The following DGAT2L6 variants were observed in gnomAD, a reference collection of about 807,000 sequenced individuals.
The protein encoded by DGAT2L6 is diacylglycerol O-acyltransferase 2 like 6, also known as diacylglycerol O-acyltransferase 2-like protein 6.
Under a neutral mutation model 25.5 loss-of-function variants are expected in DGAT2L6, and 22 were observed. That is an observed-to-expected ratio of 0.86 (90% CI 0.62 to 1.23). DGAT2L6 has a LOEUF of 1.23. Ranked by LOEUF, DGAT2L6 falls within the 50% of genes most tolerant of loss-of-function variation. DGAT2L6 has a pLI of 0.00. For missense variants in DGAT2L6, 287 were observed against 253.2 expected, an observed-to-expected ratio of 1.13 and a Z score of -0.91; for synonymous variants, 100 against 94.7, an observed-to-expected ratio of 1.06 and a Z score of -0.32.
At chrX:70,191,451 G>C (rs1230006875) in intron 1 of DGAT2L6, among the ~76,000 whole-genome samples, 1 of 110,925 alleles carries the variant, frequency 9.0e-6, no homozygotes, top group Non-Finnish European at 1.9e-5. Context: ...TAGGTAATTT[G>C]AAATTAGCCA....
At chrX:70,196,486 C>CAAAAAAAAAAAAA (rs751597708) in intron 1 of DGAT2L6, among the ~76,000 whole-genome samples, 1 of 26,113 alleles carries the variant, frequency 3.8e-5, no homozygotes, top group Non-Finnish European at 7.0e-5. Context: ...GATCCTGTCT[C>CAAAAAAAAAAAAA]AAAAAAAAAA....
chrX:70,204,513 G>A lies in DGAT2L6; in HGVS notation c.856G>A (p.Val286Ile). Residue 286 changes from valine to isoleucine, a missense_variant, in exon 6 of 7, where the codon GTT (valine) becomes ATT (isoleucine). Val to Ile is a conservative substitution (Grantham distance 29). Coordinates refer to ENST00000333026, the MANE Select transcript of DGAT2L6 (RefSeq NM_198512.3). ...FLPFNRPITT[V>I]VGEPLPIPRI... ...GCCTTTCAATCGGCCCATTACCACT[G>A]TTGGTGAGCTTTCCCTTATCTCCGG... 8.3e-7 allele frequency: 1 copy of A among 1,209,400 alleles called. No homozygotes were observed. Among genetic ancestry groups the A allele is most frequent in the Non-Finnish European group, 1.1e-6 (1 of 894,735 alleles).
At chrX:70,204,910 G>C in intron 6 of DGAT2L6, 42 bp from the exon 7 acceptor site, 1 of 1,140,067 alleles carries the variant, frequency 8.8e-7, no homozygotes, top group South Asian at 2.3e-5. Context: ...AGTTTGAGTT[G>C]AGGGGGGAAC....
intron 1 of DGAT2L6, among the ~76,000 whole-genome samples, chrX:70,183,757 G>A (rs191457051): frequency 9.0e-6 from 1 of 111,286 alleles, no homozygotes; most frequent in Admixed American, 9.5e-5. Context: ...CAGGTTGGGT[G>A]CAGTGGCTCA....
In DGAT2L6 at chrX:70,196,748, A is replaced by G. The variant is rs1323126337; in HGVS notation, c.86-2523A>G. Among the ~76,000 whole-genome samples the G allele has an allele frequency of 3.6e-5, 4 of 111,132 alleles. No homozygotes were observed. The East Asian group carries it at 8.4e-4, about 23-fold the overall frequency. On this transcript the variant is annotated intron_variant, in intron 1 of 6. Coordinates refer to ENST00000333026, the MANE Select transcript of DGAT2L6 (RefSeq NM_198512.3). ...TTAGGAGAAAATGTTTGCAAATCAC[A>G]TATCAGACAAAAAAACTTATATCCA... is the stretch of plus-strand genomic sequence containing the variant.
intron 5 of DGAT2L6, among the ~76,000 whole-genome samples, chrX:70,203,735 TCAAA>T (rs746271962): frequency 9.0e-6 from 1 of 110,786 alleles, no homozygotes; most frequent in Non-Finnish European, 1.9e-5. Context: ...AATGAAGTGG[TCAAA>T]CAAAGTTGCT....
intron 1 of DGAT2L6, among the ~76,000 whole-genome samples, chrX:70,195,026 C>T (rs1054678531): frequency 4.5e-5 from 5 of 111,579 alleles, no homozygotes; most frequent in Non-Finnish European, 9.4e-5. Context: ...ATATAAAGAA[C>T]TCATACCACT....
rs768688431 is a variant in DGAT2L6 at position 70,204,973 on chromosome X, C to T, written c.881C>T (p.Pro294Leu). The T allele has an allele frequency of 2.5e-5, 30 of 1,183,955 alleles. No individual in the cohort carries two copies. In the Admixed American group the frequency reaches 7.0e-4, roughly 28 times the overall value. ...TTVVGEPLPI[P>L]RIKRPNQKTV... The stretch of plus-strand genomic sequence containing the variant: ...ATAGTTGGGGAACCCCTTCCAATTC[C>T]CAGGATTAAGAGGCCAAACCAGAAG... The change falls in exon 7 of 7, where the codon CCC becomes CTC. Residue 294 changes from proline to leucine, a missense_variant. Pro to Leu is a moderately conservative substitution (Grantham distance 98). Coordinates refer to ENST00000333026, the MANE Select transcript of DGAT2L6 (RefSeq NM_198512.3).
chrX:70,179,469 A>G (rs965432381), intron 1 of DGAT2L6, among the ~76,000 whole-genome samples: 2 of 108,887 alleles, frequency 1.8e-5, no homozygotes, highest in African/African-American at 6.7e-5. Flanking sequence ...GGGCAGAGAG[A>G]GCAGGGGAAA....
At chrX:70,182,776 C>G (rs1175545345) in intron 1 of DGAT2L6, among the ~76,000 whole-genome samples, 4 of 111,719 alleles carry the variant, frequency 3.6e-5, no homozygotes, top group Non-Finnish European at 7.5e-5. Context: ...GCCTCAGCCT[C>G]CCGAGTAGCT....
chrX:70,195,504 T>C (rs1222795778), intron 1 of DGAT2L6, among the ~76,000 whole-genome samples: 6 of 109,892 alleles, frequency 5.5e-5, no homozygotes, highest in Non-Finnish European at 9.5e-5. Context: ...TATTCAGCCA[T>C]AAAAAGGAGA....
intron 1 of DGAT2L6, among the ~76,000 whole-genome samples, chrX:70,193,430 G>C (rs1021711908): frequency 5.4e-5 from 6 of 111,147 alleles, no homozygotes; most frequent in African/African-American, 9.8e-5. Context: ...CCAAAGCTAG[G>C]CAAGGATAGT....
At chrX:70,190,848 C>T (rs1321433964) in intron 1 of DGAT2L6, among the ~76,000 whole-genome samples, 4 of 112,218 alleles carry the variant, frequency 3.6e-5, no homozygotes, top group Non-Finnish European at 7.5e-5. Context: ...GCAGTCCTGT[C>T]CACCCAGGAA....
intron 1 of DGAT2L6, among the ~76,000 whole-genome samples, chrX:70,186,307 C>T (rs1056203575): frequency 8.9e-6 from 1 of 112,000 alleles, no homozygotes; most frequent in Admixed American, 9.5e-5. Context: ...TGAACCAGAA[C>T]CAGAAAGAAG....
chrX:70,197,993 A>G (rs1057196691), intron 1 of DGAT2L6, among the ~76,000 whole-genome samples: 6 of 112,212 alleles, frequency 5.3e-5, no homozygotes, highest in Non-Finnish European at 7.5e-5. Context: ...GACTTTTTAA[A>G]GCACTGTCCA....
At chrX:70,180,499 G>A (rs935191944) in intron 1 of DGAT2L6, among the ~76,000 whole-genome samples, 19 of 110,788 alleles carry the variant, frequency 1.7e-4, no homozygotes, top group African/African-American at 6.2e-4. Context: ...AGAATAAACG[G>A]GATTTTTTTT....
intron 1 of DGAT2L6, among the ~76,000 whole-genome samples, chrX:70,180,740 TTC>T (rs2085340934): frequency 8.9e-6 from 1 of 111,844 alleles, no homozygotes; most frequent in South Asian, 3.8e-4. Context: ...CCATTCTGCT[TTC>T]TGTCTCTATG....
At chrX:70,203,002 C>T (rs768056931) in intron 5 of DGAT2L6, among the ~76,000 whole-genome samples, 2 of 112,080 alleles carry the variant, frequency 1.8e-5, no homozygotes, top group Admixed American at 9.4e-5. Flanking sequence ...GCAGGCCACC[C>T]GCTCCTGCTT....
chrX:70,201,539 T>G (rs1203622429), intron 4 of DGAT2L6, among the ~76,000 whole-genome samples: 2 of 110,935 alleles, frequency 1.8e-5, no homozygotes, highest in African/African-American at 3.3e-5. Context: ...TCTCCAGTGT[T>G]GTCAGGCTGG....
Sources: gnomAD v4.1 joint callset for allele counts (sites outside exome capture counted in the v4.1 genomes callset) on GRCh38, gnomAD v4.1.1 for gene constraint, MANE v1.5 for transcripts, NCBI Gene and HGNC (gene_info 2026-07-23, HGNC 2026-07-21) for gene names.